Variants in NHSL1 observed in about 807,000 individuals in gnomAD.
The protein encoded by NHSL1 is NHS-like protein 1.
In NHSL1, 48 loss-of-function variants were observed where a neutral mutation model predicts 95.0. The observed-to-expected ratio is 0.51, with a 90% confidence interval of 0.40 to 0.64. The LOEUF is 0.64. NHSL1 is among the 30% of genes least tolerant of loss of function. The probability of loss-of-function intolerance (pLI) is 0.00; values close to 1 mark genes in which losing one functional copy is unlikely to be tolerated. For missense variants in NHSL1, 1,971 were observed against 2,077.7 expected (o/e 0.95, Z 1.00); for synonymous variants, 783 against 833.9 (o/e 0.94, Z 1.05).
At chr6:138,464,714 T>TC (rs2128238097) in intron 3 of NHSL1, among the ~76,000 whole-genome samples, 1 of 139,996 alleles carries the variant, frequency 7.1e-6, no homozygotes, top group South Asian at 2.1e-4. Context: ...TTTTTTCTTT[T>TC]CTTTTTTTTT....
At position 138,447,029 on chromosome 6, in the gene NHSL1, C is replaced by A. The variant is rs1368039656; in HGVS notation, c.504G>T (p.Gln168His). Residue 168 changes from glutamine to histidine, a missense_variant, in exon 4 of 8, where the codon CAG (glutamine) becomes CAT (histidine). Physicochemically the swap from Gln to His is conservative, Grantham distance 24. Around this residue, in one of 3 missense-constraint regions of NHSL1, gnomAD observed 1,602 missense variants for 1,654.5 expected, o/e 0.97. Coordinates refer to ENST00000343505, the MANE Select transcript of NHSL1 (RefSeq NM_001144060.2). ...EKMRQQAQTV[Q>H]ADVVPINITG... ...TTATGTTAATAGGCACCACGTCAGCCTGGACTGTTTGGGCTTGCTGTCGCA... is the reference window on the plus strand; with the variant it reads ...TTATGTTAATAGGCACCACGTCAGCATGGACTGTTTGGGCTTGCTGTCGCA... 6.4e-7 allele frequency: 1 copy of A among 1,551,728 alleles called. No homozygotes were observed. Among genetic ancestry groups the A allele is most frequent in the Non-Finnish European group, 8.7e-7 (1 of 1,146,998 alleles).
intron 1 of NHSL1, among the ~76,000 whole-genome samples, chr6:138,514,767 A>G (rs985961504): frequency 8.5e-5 from 13 of 152,134 alleles, no homozygotes; most frequent in Admixed American, 1.3e-4. Flanking sequence ...AAAATAAAAA[A>G]TACAAATCAG....
chr6:138,534,859 G>A (rs1001523120), intron 1 of NHSL1, among the ~76,000 whole-genome samples: 8 of 152,150 alleles, frequency 5.3e-5, no homozygotes, highest in Non-Finnish European at 1.2e-4. Context: ...ACAAGAACAC[G>A]ACTCAGCTGG....
intron 3 of NHSL1, among the ~76,000 whole-genome samples, chr6:138,453,147 G>C (rs959131843): frequency 1.3e-5 from 2 of 151,016 alleles, no homozygotes; most frequent in African/African-American, 4.9e-5. Flanking sequence ...GCTAATTTTT[G>C]TATTTTTAGT....
chr6:138,664,035 A>C (rs1785263929), intron 1 of NHSL1, among the ~76,000 whole-genome samples: 1 of 152,240 alleles, frequency 6.6e-6, no homozygotes, highest in Non-Finnish European at 1.5e-5. Flanking sequence ...TCACTGGGCA[A>C]AGTCAAGTCT....
At chr6:138,585,756 G>A (rs1188327489) in intron 1 of NHSL1, among the ~76,000 whole-genome samples, 1 of 151,984 alleles carries the variant, frequency 6.6e-6, no homozygotes, top group Non-Finnish European at 1.5e-5. Flanking sequence ...TTTCAAAATA[G>A]GGGGAAAAGG....
chr6:138,638,833 C>T (rs1181537377), intron 1 of NHSL1, among the ~76,000 whole-genome samples: 2 of 152,112 alleles, frequency 1.3e-5, no homozygotes, highest in Non-Finnish European at 2.9e-5. Context: ...ACAGGAAACT[C>T]GGCCAAGAAT....
At chr6:138,443,229 C>T (rs1406407326) in intron 4 of NHSL1, among the ~76,000 whole-genome samples, 4 of 152,132 alleles carry the variant, frequency 2.6e-5, no homozygotes, top group African/African-American at 9.7e-5. Flanking sequence ...CTAATCAAAA[C>T]AGAGAATAAA....
intron 2 of NHSL1, among the ~76,000 whole-genome samples, chr6:138,474,481 T>TA (rs201257174): frequency 6.3e-4 from 92 of 145,386 alleles, no homozygotes; most frequent in Admixed American, 3.8e-3. Context: ...AGCCAGGGGA[T>TA]AAAAAAAAAA....
At chr6:138,603,561 A>G (rs7774194) in intron 1 of NHSL1, among the ~76,000 whole-genome samples, 1,844 of 152,360 alleles carry the variant, frequency 0.012, 49 homozygotes, top group African/African-American at 0.042. Flanking sequence ...ATAAACAGAC[A>G]TAAATGAGCT....
intron 1 of NHSL1, among the ~76,000 whole-genome samples, chr6:138,539,758 A>ATT (rs1782507746): frequency 2.0e-5 from 3 of 152,222 alleles, no homozygotes; most frequent in Non-Finnish European, 2.9e-5. Context: ...CCTTGCACAG[A>ATT]GCATGCTCCA....
At chr6:138,502,852 T>C (rs745922682), upstream of NHSL1, among the ~76,000 whole-genome samples, 9 of 152,188 alleles carry the variant, frequency 5.9e-5, no homozygotes, top group Non-Finnish European at 8.8e-5. Flanking sequence ...GAACAGTACC[T>C]GGTATGTAAA....
rs1785272613 is a variant in NHSL1 at position 138,664,723 on chromosome 6, TAGAAAA to T, written c.96+27747_96+27752del. On this transcript the variant is annotated intron_variant, in intron 1 of 3. Coordinates refer to the NHSL1 transcript ENST00000491526. ...CTCTATCTTTATCTACTGATCAGCC[TAGAAAA>T]AGAAAGATTTATTTTTAAAATTGGC... Among the ~76,000 whole-genome samples the T allele has an allele frequency of 3.3e-5, 5 of 152,338 alleles. No individual in the cohort carries two copies. In the South Asian group the frequency reaches 1.0e-3, roughly 32 times the overall value.
At chr6:138,610,082 G>A (rs1255081601) in intron 1 of NHSL1, among the ~76,000 whole-genome samples, 1 of 152,122 alleles carries the variant, frequency 6.6e-6, no homozygotes, top group African/African-American at 2.4e-5. Context: ...CCACAAGAAA[G>A]AGGCTGGCTG....
chr6:138,467,762 G>A (rs139246226), intron 3 of NHSL1, among the ~76,000 whole-genome samples: 1 of 152,200 alleles, frequency 6.6e-6, no homozygotes, highest in African/African-American at 2.4e-5. Flanking sequence ...TACATAATAA[G>A]GATATAAAGA....
At chr6:138,693,079 G>GGGCGGC (rs1233337976), upstream of NHSL1, among the ~76,000 whole-genome samples, 1 of 151,324 alleles carries the variant, frequency 6.6e-6, no homozygotes. The surrounding 1 kb of genome is among the most constrained non-coding windows in gnomAD (Gnocchi z 4.3). Context: ...GGGCAGCTCT[G>GGGCGGC]GGCGGCGGCG....
chr6:138,434,423 AGAC>A (rs1264065807), intron 5 of NHSL1, among the ~76,000 whole-genome samples: 25 of 151,840 alleles, frequency 1.6e-4, no homozygotes, highest in African/African-American at 4.8e-4. Flanking sequence ...AAAAAAAAAA[AGAC>A]AGAAAGAAAG....
At chr6:138,641,170 G>A (rs1208868814) in intron 1 of NHSL1, among the ~76,000 whole-genome samples, 1 of 152,214 alleles carries the variant, frequency 6.6e-6, no homozygotes, top group African/African-American at 2.4e-5. Flanking sequence ...AGGCGTGGTG[G>A]CATGTGCCTG....
intron 1 of NHSL1, among the ~76,000 whole-genome samples, chr6:138,594,074 A>G (rs1243969304): frequency 6.6e-6 from 1 of 152,190 alleles, no homozygotes; most frequent in African/African-American, 2.4e-5. Context: ...TTGACATGCT[A>G]ATGTTGCTGT....
Sources: allele counts gnomAD v4.1 joint callset (sites outside exome capture counted in the v4.1 genomes callset), GRCh38; gene constraint gnomAD v4.1.1; regional missense constraint gnomAD v4.1.1; non-coding constraint Gnocchi (gnomAD v3.1); transcripts MANE v1.5; gene names NCBI Gene and HGNC (gene_info 2026-07-23, HGNC 2026-07-21).